The following USP50 variants were observed in gnomAD, a reference collection of about 807,000 sequenced individuals.
USP50 encodes ubiquitin carboxyl-terminal hydrolase 50.
In USP50, 37 loss-of-function variants were observed where a neutral mutation model predicts 39.2. That is an observed-to-expected ratio of 0.94 (90% CI 0.73 to 1.24). The LOEUF (loss-of-function observed/expected upper bound fraction) is 1.24. Ranked by LOEUF, USP50 falls within the 50% of genes most tolerant of loss-of-function variation. The pLI, the probability that USP50 is intolerant of heterozygous loss-of-function variation, is 0.00. For missense variants in USP50, 374 were observed against 398.2 expected (o/e 0.94, Z 0.52); for synonymous variants, 139 against 144.5 (o/e 0.96, Z 0.27).
intron 6 of USP50, chr15:50,504,997 A>AAT (rs71124362): frequency 0.08 from 11,826 of 148,730 alleles, 609 homozygotes; most frequent in South Asian, 0.11. Flanking sequence ...AAAAAAAAAA[A>AAT]GAATAAACTA....
chr15:50,494,241 T>C, intron 1 of USP50: 4 of 1,612,566 alleles, frequency 2.5e-6, no homozygotes, highest in Non-Finnish European at 3.4e-6. Context: ...AAGAATTGCT[T>C]CTGTTCCTAA....
chr15:50,543,885 G>T, intron 2 of USP50, 92 bp from the exon 3 acceptor site: 1 of 1,283,348 alleles, frequency 7.8e-7, no homozygotes, highest in Non-Finnish European at 1.1e-6. Context: ...CAAAATGGAA[G>T]AACGTGGTGT....
At chr15:50,532,104 CAG>C (rs1447164730) in intron 5 of USP50, 1 of 456,104 alleles carries the variant, frequency 2.2e-6, no homozygotes, top group African/African-American at 2.0e-5. Context: ...AGGCTCAGTG[CAG>C]AGTCTGAGAG....
At chr15:50,535,129 ACTCTGT>A (rs2052969584) in intron 5 of USP50, among the ~76,000 whole-genome samples, 1 of 150,372 alleles carries the variant, frequency 6.7e-6, no homozygotes, top group African/African-American at 2.5e-5. Context: ...ACAGAGTGAA[ACTCTGT>A]CACACACACA....
chr15:50,543,758 A>T lies in USP50; in HGVS notation c.284T>A (p.Leu95Gln). The stretch of plus-strand genomic sequence containing the variant: ...GTCTCCCAGCCACATGTCTGTCATC[A>T]GATAGGCAAAAGCAGTGGCAACTTC... The part of the protein sequence containing the change: ...CSEVATAFAY[L>Q]MTDMWLGDSD... Residue 95 changes from leucine to glutamine, a missense_variant, in exon 3 of 7, where the codon CTG (leucine) becomes CAG (glutamine). By Grantham distance (113) the Leu-to-Gln change is moderately radical (BLOSUM62 -2). Coordinates refer to ENST00000532404, the MANE Select transcript of USP50 (RefSeq NM_203494.5). 1 of 1,609,950 alleles carries T rather than the reference A, an allele frequency of 6.2e-7. No homozygotes were observed. Among genetic ancestry groups the T allele is most frequent in the Non-Finnish European group, 8.5e-7 (1 of 1,177,878 alleles).
Position 50,544,621 on chromosome 15 carries a change from A to C in USP50, c.214T>G (p.Phe72Val). The change falls in exon 2 of 7, where the codon TTT becomes GTT. Residue 72 changes from phenylalanine to valine, a missense_variant. Coordinates refer to ENST00000532404, the MANE Select transcript of USP50 (RefSeq NM_203494.5). The part of the protein sequence containing the change: ...LCSILPLVEY[F>V]LTGKYITALQ... ...GCGGTGATATACTTCCCGGTGAGAA[A>C]GTATTCCACCAGCGGCAAGATGCTG... is the stretch of plus-strand genomic sequence containing the variant. 6.2e-7 allele frequency: 1 copy of C among 1,613,800 alleles called. No individual in the cohort carries two copies. Among genetic ancestry groups the C allele is most frequent in the Non-Finnish European group, 8.5e-7 (1 of 1,179,838 alleles).
At chr15:50,510,973 T>C (rs2052730691) in intron 6 of USP50, 1 of 151,960 alleles carries the variant, frequency 6.6e-6, no homozygotes, top group Admixed American at 6.6e-5. Flanking sequence ...AGAGACGGGG[T>C]TTCACCGTGT....
At chr15:50,536,833 G>A (rs1329360892) in intron 5 of USP50, among the ~76,000 whole-genome samples, 1 of 152,064 alleles carries the variant, frequency 6.6e-6, no homozygotes, top group Non-Finnish European at 1.5e-5. Context: ...TATATTCATG[G>A]ATAAGAAGCT....
intron 5 of USP50, among the ~76,000 whole-genome samples, chr15:50,533,506 A>G (rs867986862): frequency 6.6e-6 from 1 of 152,204 alleles, no homozygotes; most frequent in Admixed American, 6.5e-5. Context: ...AGGAGCAAAC[A>G]TAAGAATTAC....
chr15:50,533,010 G>GA (rs911719291), intron 5 of USP50, among the ~76,000 whole-genome samples: 4 of 151,876 alleles, frequency 2.6e-5, no homozygotes, highest in African/African-American at 9.7e-5. Flanking sequence ...AAAGAAGAAA[G>GA]AAAAAAGACT....
chr15:50,508,126 C>T (rs1202668098), intron 6 of USP50: 1 of 107,210 alleles, frequency 9.3e-6, no homozygotes, highest in African/African-American at 3.5e-5. Context: ...AGTCTTTGAA[C>T]ACAATACAAT....
At chr15:50,493,946 A>G (rs1566889606), downstream of USP50, 1 of 1,117,564 alleles carries the variant, frequency 8.9e-7, no homozygotes, top group Non-Finnish European at 1.4e-6. Context: ...CTGCAAATAA[A>G]TAAGTAGTTT....
At chr15:50,506,222 C>T (rs73405137) in intron 6 of USP50, 2 of 152,452 alleles carry the variant, frequency 1.3e-5, no homozygotes, top group Non-Finnish European at 2.9e-5. Flanking sequence ...CCCAACCCCC[C>T]CAGGCTGCCT....
At chr15:50,503,130 T>A (rs2052614445) in intron 6 of USP50, 1 of 152,140 alleles carries the variant, frequency 6.6e-6, no homozygotes, top group Non-Finnish European at 1.5e-5. Flanking sequence ...GGCGGATCAC[T>A]TGAGGTCAGG....
At chr15:50,538,273 C>CAAAAAAAAAAAAAAAAAAAAAA (rs766139797) in intron 5 of USP50, among the ~76,000 whole-genome samples, 1 of 17,316 alleles carries the variant, frequency 5.8e-5, no homozygotes, top group Non-Finnish European at 1.7e-4. Flanking sequence ...GAGACTGTCT[C>CAAAAAAAAAAAAAAAAAAAAAA]AAAAAAAAAA....
intron 6 of USP50, among the ~76,000 whole-genome samples, chr15:50,518,307 G>A (rs767750377): frequency 1.1e-4 from 17 of 150,710 alleles, no homozygotes; most frequent in Non-Finnish European, 8.8e-5. Flanking sequence ...TGCAAGTTCC[G>A]TCTCCTGGGT....
chr15:50,519,452 C>T (rs572460894), intron 6 of USP50, among the ~76,000 whole-genome samples: 2 of 152,186 alleles, frequency 1.3e-5, no homozygotes, highest in South Asian at 2.1e-4. Flanking sequence ...CGGTGGCTCA[C>T]GCCTGTAATC....
At chr15:50,507,575 T>G (rs1301784463) in intron 6 of USP50, 1 of 152,150 alleles carries the variant, frequency 6.6e-6, no homozygotes, top group Non-Finnish European at 1.5e-5. Context: ...AATTTGAAAC[T>G]GCTACCTACC....
At chr15:50,516,611 C>T (rs2141358924) in intron 6 of USP50, among the ~76,000 whole-genome samples, 1 of 152,024 alleles carries the variant, frequency 6.6e-6, no homozygotes, top group South Asian at 2.1e-4. Flanking sequence ...AGTGAGACTC[C>T]AAATCAAAAA....
Sources: allele counts gnomAD v4.1 joint callset (sites outside exome capture counted in the v4.1 genomes callset), GRCh38; gene constraint gnomAD v4.1.1; transcripts MANE v1.5; gene names NCBI Gene and HGNC (gene_info 2026-07-23, HGNC 2026-07-21).